The following PER2 variants were observed in gnomAD, a reference collection of about 807,000 sequenced individuals.
PER2 encodes the protein period circadian regulator 2.
In PER2, 66 loss-of-function variants were observed where a neutral mutation model predicts 121.0. The ratio of observed to expected loss-of-function variants is 0.55; its 90% CI spans 0.45 to 0.67. The LOEUF is 0.67. Among genes scored for constraint, PER2 ranks in the 30% least tolerant of loss-of-function variants. PER2 has a pLI of 0.00. For synonymous variants in PER2, 684 were observed against 659.9 expected, an observed-to-expected ratio of 1.04 and a Z score of -0.56; for missense variants, 1,521 against 1,635.0, an observed-to-expected ratio of 0.93 and a Z score of 1.20.
In PER2 at chr2:238,277,873, GGGGCTCCAC is replaced by G. The variant is rs1559335556; in HGVS notation, c.55_63del (p.Val19_Pro21del). 6.2e-7 allele frequency: 1 copy of G among 1,614,162 alleles called. No individual in the cohort carries two copies. The highest frequency in any genetic ancestry group is 1.1e-5 in the South Asian group (1 of 91,090). On this transcript the variant is annotated inframe_deletion, in exon 2 of 23. Coordinates refer to ENST00000254657, the MANE Select transcript of PER2 (RefSeq NM_022817.3). Reference sequence around the variant, plus strand: ...TCCTGCAGTGGGACCTGGCTGGGCTGGGGCTCCACGGGCTCCTTGGTGGGGTTACTGGGG... The same window carrying G: ...TCCTGCAGTGGGACCTGGCTGGGCTGGGGCTCCTTGGTGGGGTTACTGGGG...
chr2:238,271,486 C>G lies in PER2; in HGVS notation c.598G>C (p.Val200Leu), dbSNP rs1328116585. The stretch of plus-strand genomic sequence containing the variant: ...GAGATGTACAGGATCTTCCCAGACA[C>G]CAGGGACACGGCCACCGCAAACATA... ...ADMFAVAVSL[V>L]SGKILYISDQ... is the part of the protein sequence containing the mutation. Residue 200 changes from valine (V) to leucine (L), a missense_variant, in exon 6 of 23, where the codon GTG becomes CTG. Val to Leu is a conservative substitution (Grantham distance 32). Transcript: ENST00000254657. The G allele has an allele frequency of 1.2e-6, 2 of 1,613,754 alleles. No individual in the cohort carries two copies.
intron 3 of PER2, among the ~76,000 whole-genome samples, chr2:238,276,599 G>C (rs781020109): frequency 3.9e-5 from 6 of 152,224 alleles, no homozygotes; most frequent in Non-Finnish European, 7.3e-5. Context: ...GAGAAAAGGG[G>C]ATTGTGGAAA....
upstream of PER2, among the ~76,000 whole-genome samples, chr2:238,290,762 T>C (rs570222628): frequency 5.7e-4 from 87 of 152,254 alleles, no homozygotes; most frequent in African/African-American, 2.0e-3. Flanking sequence ...ACTGCATCCC[T>C]GCTTGTAAGG....
intron 22 of PER2, chr2:238,247,634 G>A (rs756582948): frequency 3.9e-5 from 6 of 152,308 alleles, no homozygotes; most frequent in Non-Finnish European, 8.8e-5. Flanking sequence ...GGTGAGCCAC[G>A]GGTCTATTTC....
upstream of PER2, among the ~76,000 whole-genome samples, chr2:238,292,996 A>G (rs1348064163): frequency 6.7e-6 from 1 of 150,374 alleles, no homozygotes; most frequent in Non-Finnish European, 1.5e-5. Flanking sequence ...TCGGCCTCCC[A>G]AAGTGCTGGG....
upstream of PER2, chr2:238,289,134 G>GCTCCTGCGCAC (rs1696889975): frequency 6.6e-6 from 1 of 152,150 alleles, no homozygotes; most frequent in African/African-American, 2.4e-5. Flanking sequence ...TGGGCGCGGG[G>GCTCCTGCGCAC]CTCCTGCGCA....
upstream of PER2, among the ~76,000 whole-genome samples, chr2:238,293,974 C>A (rs1277498008): frequency 6.6e-6 from 1 of 152,124 alleles, no homozygotes; most frequent in Non-Finnish European, 1.5e-5. Context: ...GCAGCCAGTA[C>A]CCCTCACTGT....
At chr2:238,275,987 C>T (rs1244036952) in intron 3 of PER2, 90 bp from the exon 4 acceptor site, 3 of 1,302,826 alleles carry the variant, frequency 2.3e-6, no homozygotes, top group Non-Finnish European at 3.3e-6. Flanking sequence ...TTCTCAGCCT[C>T]GGCTCTAGAG....
chr2:238,251,242 C>G (rs1230019455), intron 20 of PER2, among the ~76,000 whole-genome samples: 1 of 152,174 alleles, frequency 6.6e-6, no homozygotes, highest in Non-Finnish European at 1.5e-5. Flanking sequence ...GTGAAAGATC[C>G]CAGCGGGTAG....
At chr2:238,260,779 A>T in intron 13 of PER2, 49 bp downstream of exon 13, 1 of 1,609,686 alleles carries the variant, frequency 6.2e-7, no homozygotes, top group Non-Finnish European at 8.5e-7. Flanking sequence ...TTAACTCTGG[A>T]GGGACATCCA....
intron 8 of PER2, among the ~76,000 whole-genome samples, 191 bp from the exon 9 acceptor site, chr2:238,265,781 G>C (rs1425955926): frequency 6.6e-6 from 1 of 152,170 alleles, no homozygotes; most frequent in East Asian, 1.9e-4. Context: ...TCGTTGGCCA[G>C]CCTTCTTAGC....
rs1696281321 is a variant in PER2, at chr2:238,271,413, T to G, written c.671A>C (p.Asp224Ala). ...CGCCAGGAACTCCACAAACTTGGCA[T>G]CGCTGAAGGCATCTCTTTTACAGTG... ...IFHCKRDAFS[D>A]AKFVEFLAPH... The change falls in exon 6 of 23, where the codon GAT becomes GCT. Residue 224 changes from aspartate (D) to alanine (A), a missense_variant. Asp to Ala is a moderately radical substitution (Grantham distance 126). Transcript: ENST00000254657. 6.2e-7 allele frequency: 1 copy of G among 1,613,980 alleles called. No homozygotes were observed. Among genetic ancestry groups the G allele is most frequent in the Non-Finnish European group, 8.5e-7 (1 of 1,179,904 alleles).
rs1574852709 is a variant in PER2 at position 238,268,839 on chromosome 2, C to T, written c.824+84G>A. The T allele has an allele frequency of 1.9e-5, 19 of 996,090 alleles. No individual in the cohort carries two copies. In the East Asian group the frequency reaches 3.3e-4, roughly 17 times the overall value. The allele number at this position is 996,090 out of a possible 1,614,324, so 61.7% of individuals were successfully genotyped here. On this transcript the variant is annotated intron_variant, in intron 7 of 22. Coordinates refer to ENST00000254657, the MANE Select transcript of PER2 (RefSeq NM_022817.3). The surrounding 1 kb of genome is among the most constrained non-coding windows in gnomAD (Gnocchi z 4.0). ...GCTGAGTCCCTGCAGGCAGGGATCACGCCCCCCAGCCTCAAGCGGAGCAGT... is the reference window on the plus strand; with the variant it reads ...GCTGAGTCCCTGCAGGCAGGGATCATGCCCCCCAGCCTCAAGCGGAGCAGT...
At position 238,285,749 on chromosome 2, in the gene PER2, C is replaced by A. The variant is rs903998481; in HGVS notation, c.-20+2600G>T. On this transcript the variant is annotated intron_variant, in intron 1 of 22. Transcript: ENST00000254657. ...CCAGCCACCATCTACCCCGCGGGGA[C>A]TCACTAGCTTGGCTTCTTGCAGCCT... 3.3e-5 allele frequency among the ~76,000 whole-genome samples: 5 copies of A among 150,876 alleles called. No homozygotes were observed. The South Asian group carries it at 1.0e-3, about 32-fold the overall frequency.
Position 238,258,325 on chromosome 2 carries a change from C to T in PER2, c.1851G>A (p.Arg617=), listed in dbSNP as rs1383154325. 4 of 1,614,216 alleles carry T rather than the reference C, an allele frequency of 2.5e-6. No individual in the cohort carries two copies. The highest frequency in any genetic ancestry group is 1.3e-5 in the African/African-American group (1 of 75,044). Residue 617 remains arginine (R), a synonymous_variant, in exon 16 of 23, where the codon AGG becomes AGA. Coordinates refer to ENST00000254657, the MANE Select transcript of PER2 (RefSeq NM_022817.3). ...CEFPANVPAL[R]SSDKRKATVS... ...CTGTGGCCTTCCGCTTATCACTGGACCTTAGCGCTGGGACGTTTGCTGGGA... is the reference window on the plus strand; with the variant it reads ...CTGTGGCCTTCCGCTTATCACTGGATCTTAGCGCTGGGACGTTTGCTGGGA...
chr2:238,250,717 T>C lies in PER2; in HGVS notation c.3301A>G (p.Lys1101Glu). ...GAGGAGTCAATGCTTCCAAAATATT[T>C]GCTGGTATGACTTGTGTCACTACTG... ...AGSSDTSHTS[K>E]YFGSIDSSEN... Residue 1101 changes from lysine (K) to glutamate (E), a missense_variant, in exon 21 of 23, where the codon AAA becomes GAA. Lys to Glu is a moderately conservative substitution (Grantham distance 56). Coordinates refer to ENST00000254657, the MANE Select transcript of PER2 (RefSeq NM_022817.3). 6.2e-7 allele frequency: 1 copy of C among 1,613,932 alleles called. No individual in the cohort carries two copies. The highest frequency in any genetic ancestry group is 8.5e-7 in the Non-Finnish European group (1 of 1,179,742).
intron 1 of PER2, among the ~76,000 whole-genome samples, chr2:238,279,631 C>T (rs553996234): frequency 1.3e-5 from 2 of 152,202 alleles, no homozygotes; most frequent in Non-Finnish European, 2.9e-5. Flanking sequence ...AGAAGGGTTT[C>T]TGGATTCCAC....
rs534919756 is a variant in PER2 at position 238,261,903 on chromosome 2, T to C, written c.1308-66A>G. 7.1e-6 allele frequency: 8 copies of C among 1,125,176 alleles called. No individual in the cohort carries two copies. In the South Asian group the frequency reaches 1.1e-4, roughly 15 times the overall value. The allele number at this position is 1,125,176 out of a possible 1,614,324, so 69.7% of individuals were successfully genotyped here. ...GGAGGACCTCTCTGGCGTGACTGTA[T>C]AGCCACTACATGCTGCCTGCCTGGG... On this transcript the variant is annotated intron_variant, in intron 11 of 22. Transcript: ENST00000254657.
Position 238,277,925 on chromosome 2 carries a change from G to A in PER2, c.12C>T (p.Tyr4=), listed in dbSNP as rs756633844. 76 of 1,613,506 alleles carry A rather than the reference G, an allele frequency of 4.7e-5. No individual in the cohort carries two copies. Among genetic ancestry groups the A allele is most frequent in the Admixed American group, 1.3e-4 (8 of 59,994 alleles). The change falls in exon 2 of 23, where the codon TAC becomes TAT. Residue 4 remains tyrosine (Y), a synonymous_variant. Transcript: ENST00000254657. ...TACTGGGGCTGGGCGGAAATTCCGC[G>A]TATCCATTCATGCTGGGCTCTGGAA... MNG[Y]AEFPPSPSNP...
Sources: gnomAD v4.1 joint callset for allele counts (sites outside exome capture counted in the v4.1 genomes callset) on GRCh38, gnomAD v4.1.1 for gene constraint, Gnocchi (gnomAD v3.1) non-coding constraint, MANE v1.5 for transcripts, NCBI Gene and HGNC (gene_info 2026-07-23, HGNC 2026-07-21) for gene names.